The following DENND1B variants were observed in gnomAD, a reference collection of about 807,000 sequenced individuals.
DENND1B encodes the protein DENN domain-containing protein 1B.
Under a neutral mutation model 90.1 loss-of-function variants are expected in DENND1B, and 59 were observed. That is an observed-to-expected ratio of 0.65 (90% CI 0.53 to 0.81). DENND1B has a LOEUF of 0.81. DENND1B is among the 40% of genes least tolerant of loss of function. The pLI, the probability that DENND1B is intolerant of heterozygous loss-of-function variation, is 0.00. For synonymous variants in DENND1B, 337 were observed against 324.6 expected, an observed-to-expected ratio of 1.04 and a Z score of -0.41; for missense variants, 862 against 912.6, an observed-to-expected ratio of 0.94 and a Z score of 0.71.
chr1:197,597,734 A>G (rs1393244073), intron 13 of DENND1B, among the ~76,000 whole-genome samples: 1 of 151,884 alleles, frequency 6.6e-6, no homozygotes, highest in Non-Finnish European at 1.5e-5. Flanking sequence ...AAACTAGTCA[A>G]TGATAGCTCC....
At chr1:197,539,851 G>T in intron 20 of DENND1B, 113 bp downstream of exon 20, 1 of 833,410 alleles carries the variant, frequency 1.2e-6, no homozygotes, top group Non-Finnish European at 1.9e-6. Flanking sequence ...GACCAATACT[G>T]CAGGTTTTCA....
chr1:197,507,178 T>G lies in DENND1B; in HGVS notation c.*3282A>C, dbSNP rs1667769194. On this transcript the variant is annotated 3_prime_UTR_variant, in exon 23 of 23. Transcript: ENST00000620048. ...ATTATTATTATTATTATTATTATTA[T>G]TATTATTATTATTATTTTAATAAAA... The G allele has an allele frequency of 6.8e-6, 1 of 147,008 alleles. No homozygotes were observed. Among genetic ancestry groups the G allele is most frequent in the African/African-American group, 2.5e-5 (1 of 40,498 alleles). 9.1% of individuals were successfully genotyped at this position (147,008 alleles called of 1,614,324 possible). A position where few individuals can be genotyped will look rare whatever the true frequency, so the allele number is the denominator to read the frequency against.
At chr1:197,556,122 T>G (rs554149901) in intron 15 of DENND1B, among the ~76,000 whole-genome samples, 38 of 152,084 alleles carry the variant, frequency 2.5e-4, no homozygotes, top group Non-Finnish European at 5.0e-4. Flanking sequence ...ATATTGCAAG[T>G]TTTCACTTAA....
intron 3 of DENND1B, among the ~76,000 whole-genome samples, chr1:197,700,851 C>T (rs539915252): frequency 6.6e-6 from 1 of 152,300 alleles, no homozygotes; most frequent in East Asian, 1.9e-4. Flanking sequence ...CATCACTGAT[C>T]ACCACAGAAA....
intron 16 of DENND1B, chr1:197,552,209 T>A: frequency 1.0e-6 from 1 of 981,646 alleles, no homozygotes; most frequent in Non-Finnish European, 1.2e-6. Context: ...CAAAGAAGTT[T>A]AAAAAATTGC....
chr1:197,510,273 G>A lies in DENND1B; in HGVS notation c.*187C>T, dbSNP rs972060314. The A allele has an allele frequency of 9.2e-6, 6 of 653,788 alleles. No individual in the cohort carries two copies. In the African/African-American group the frequency reaches 9.2e-5, roughly 10 times the overall value. The allele number at this position is 653,788 out of a possible 1,614,324, so 40.5% of individuals were successfully genotyped here. Reference sequence around the variant, plus strand: ...CACTAGTACCTGATTTAAAAGCACAGTAGAATTCGCTTTATATTTAAAAAT... The same window carrying A: ...CACTAGTACCTGATTTAAAAGCACAATAGAATTCGCTTTATATTTAAAAAT... On this transcript the variant is annotated 3_prime_UTR_variant, in exon 23 of 23. Transcript: ENST00000620048.
intron 12 of DENND1B, among the ~76,000 whole-genome samples, chr1:197,609,282 T>G (rs1676972722): frequency 1.3e-5 from 2 of 150,738 alleles, no homozygotes; most frequent in African/African-American, 4.8e-5. Context: ...GTTTAACTTT[T>G]CCATACAATA....
At chr1:197,777,176 A>G (rs1296736702), upstream of DENND1B, among the ~76,000 whole-genome samples, 1 of 152,162 alleles carries the variant, frequency 6.6e-6, no homozygotes, top group Admixed American at 6.5e-5. Context: ...CTTTCATTAT[A>G]ATTAATTATT....
intron 15 of DENND1B, among the ~76,000 whole-genome samples, chr1:197,560,689 A>G (rs1454384067): frequency 2.0e-5 from 3 of 151,924 alleles, no homozygotes; most frequent in Non-Finnish European, 4.4e-5. Flanking sequence ...CCCATCAGCC[A>G]TAATGACTAT....
At chr1:197,529,355 C>T (rs902676484) in intron 20 of DENND1B, among the ~76,000 whole-genome samples, 10 of 149,668 alleles carry the variant, frequency 6.7e-5, no homozygotes, top group Admixed American at 2.7e-4. Context: ...TGTGTGCACG[C>T]GCGCACATGT....
chr1:197,548,830 T>C (rs1215346519), intron 16 of DENND1B, among the ~76,000 whole-genome samples: 3 of 152,094 alleles, frequency 2.0e-5, no homozygotes, highest in Non-Finnish European at 4.4e-5. Flanking sequence ...TTACCGGTAA[T>C]AATCTAAAAT....
In DENND1B at chr1:197,746,926, G is replaced by T. The variant is rs983416637; in HGVS notation, c.82+25942C>A. ...CACCAAGCTCTCGAGTAGCTAGCTG[G>T]TTTTTCTGAGTTCCTCAGTCTTCTC... On this transcript the variant is annotated intron_variant, in intron 2 of 22. Coordinates refer to ENST00000620048, the MANE Select transcript of DENND1B (RefSeq NM_001195215.2). 6 of 1,516,946 alleles carry T rather than the reference G, an allele frequency of 4.0e-6. No homozygotes were observed. In the African/African-American group the frequency reaches 6.9e-5, roughly 17 times the overall value. The allele number at this position is 1,516,946 out of a possible 1,614,324, so 94.0% of individuals were successfully genotyped here.
At chr1:197,595,641 A>T in intron 13 of DENND1B, among the ~76,000 whole-genome samples, 1 of 152,198 alleles carries the variant, frequency 6.6e-6, no homozygotes, top group East Asian at 1.9e-4. Context: ...ACAGATTTCT[A>T]GCAATTACAA....
upstream of DENND1B, among the ~76,000 whole-genome samples, chr1:197,778,326 G>C (rs1431319511): frequency 6.6e-6 from 1 of 152,088 alleles, no homozygotes; most frequent in Non-Finnish European, 1.5e-5. Flanking sequence ...AATCTAGTCT[G>C]ATCATCTTTA....
rs936233565 is a variant in DENND1B, at chr1:197,551,466, A to C, written c.1240+1556T>G. Among the ~76,000 whole-genome samples the C allele has an allele frequency of 4.6e-5, 7 of 152,206 alleles. No homozygotes were observed. The South Asian group carries it at 1.2e-3, about 27-fold the overall frequency. ...TTGTATTGAAAATGCAGCAGTTTCT[A>C]AGTCAGATACTTATCGGTAATCATA... is the stretch of plus-strand genomic sequence containing the variant. On this transcript the variant is annotated intron_variant, in intron 16 of 22. Coordinates refer to ENST00000620048, the MANE Select transcript of DENND1B (RefSeq NM_001195215.2).
intron 3 of DENND1B, among the ~76,000 whole-genome samples, chr1:197,684,925 T>C (rs1390659688): frequency 1.3e-5 from 2 of 152,078 alleles, no homozygotes; most frequent in African/African-American, 2.4e-5. Flanking sequence ...GAGACCAGCC[T>C]GGGCAACATG....
intron 7 of DENND1B, among the ~76,000 whole-genome samples, chr1:197,648,588 CTTTATAAAT>C (rs1370326572): frequency 6.6e-6 from 1 of 152,136 alleles, no homozygotes; most frequent in Non-Finnish European, 1.5e-5. Context: ...GTTAGAATAA[CTTTATAAAT>C]ATAACACTTT....
intron 15 of DENND1B, among the ~76,000 whole-genome samples, chr1:197,566,330 T>C (rs1672662668): frequency 6.6e-6 from 1 of 152,132 alleles, no homozygotes; most frequent in African/African-American, 2.4e-5. Context: ...CACTTTTTGA[T>C]GGGGTTGTTT....
intron 2 of DENND1B, among the ~76,000 whole-genome samples, chr1:197,770,780 ATATAAATATATATC>A (rs1290325741): frequency 5.2e-4 from 74 of 141,764 alleles, no homozygotes; most frequent in African/African-American, 9.8e-4. Context: ...ATCTATAAAT[ATATAAATATATATC>A]TATAAATATA....
Sources: allele counts gnomAD v4.1 joint callset (sites outside exome capture counted in the v4.1 genomes callset), GRCh38; gene constraint gnomAD v4.1.1; transcripts MANE v1.5; gene names NCBI Gene and HGNC (gene_info 2026-07-23, HGNC 2026-07-21).